The following PMFBP1 variants were observed in gnomAD, a reference collection of about 807,000 sequenced individuals.
PMFBP1 encodes the protein polyamine-modulated factor 1-binding protein 1.
In PMFBP1, 131 loss-of-function variants were observed where a neutral mutation model predicts 137.8. That is an observed-to-expected ratio of 0.95 (90% CI 0.82 to 1.10). The LOEUF (loss-of-function observed/expected upper bound fraction) is 1.10. PMFBP1 is among the 50% of genes least tolerant of loss of function. The probability of loss-of-function intolerance (pLI) is 0.00; values close to 1 mark genes in which losing one functional copy is unlikely to be tolerated. For synonymous variants in PMFBP1, 490 were observed against 450.4 expected (o/e 1.09, Z -1.11); for missense variants, 1,199 against 1,175.4 (o/e 1.02, Z -0.29).
the PMFBP1 span, among the ~76,000 whole-genome samples, chr16:72,242,717 C>T: frequency 1.3e-5 from 2 of 152,080 alleles, no homozygotes; most frequent in Non-Finnish European, 2.9e-5. Flanking sequence ...ATAATGCTAA[C>T]CAAGAAATGC....
the PMFBP1 span, among the ~76,000 whole-genome samples, chr16:72,207,781 T>C: frequency 4.8e-4 from 73 of 151,524 alleles, no homozygotes; most frequent in South Asian, 2.3e-3. Flanking sequence ...TATAAAGAAA[T>C]TTATCATAAG....
the PMFBP1 span, among the ~76,000 whole-genome samples, chr16:72,193,161 A>T: frequency 6.6e-6 from 1 of 152,070 alleles, no homozygotes; most frequent in Non-Finnish European, 1.5e-5. Context: ...CTGTGGTGAG[A>T]GGATCACTTG....
At chr16:72,220,259 C>T in the PMFBP1 span, among the ~76,000 whole-genome samples, 2 of 152,134 alleles carry the variant, frequency 1.3e-5, no homozygotes, top group Non-Finnish European at 2.9e-5. Flanking sequence ...TTTGCAATAA[C>T]AGTTTGAGAA....
chr16:72,221,046 G>A, the PMFBP1 span, among the ~76,000 whole-genome samples: 1 of 152,110 alleles, frequency 6.6e-6, no homozygotes, highest in Non-Finnish European at 1.5e-5. Flanking sequence ...GGTGGGGAAG[G>A]AGAGCAGGGG....
chr16:72,116,669 G>A (rs1016065245), downstream of PMFBP1, among the ~76,000 whole-genome samples: 1 of 147,778 alleles, frequency 6.8e-6, no homozygotes, highest in Non-Finnish European at 1.5e-5. Context: ...TTTGTATAAG[G>A]TATTAGGTAA....
chr16:72,237,774 T>C, the PMFBP1 span, among the ~76,000 whole-genome samples: 1 of 152,170 alleles, frequency 6.6e-6, no homozygotes. Flanking sequence ...CTTAGTTATT[T>C]TTCCTGATCC....
At chr16:72,186,740 CTTTAA>C in the PMFBP1 span, among the ~76,000 whole-genome samples, 5 of 152,152 alleles carry the variant, frequency 3.3e-5, no homozygotes, top group African/African-American at 1.2e-4. Flanking sequence ...AAATCTATTT[CTTTAA>C]TTTGTCACTG....
At chr16:72,192,915 A>AAAG in the PMFBP1 span, among the ~76,000 whole-genome samples, 1 of 151,896 alleles carries the variant, frequency 6.6e-6, no homozygotes, top group African/African-American at 2.4e-5. Context: ...AAAAAAAAAA[A>AAAG]AAGAAGACAT....
chr16:72,118,651 A>C (rs2042332067), downstream of PMFBP1, among the ~76,000 whole-genome samples: 1 of 152,210 alleles, frequency 6.6e-6, no homozygotes, highest in Admixed American at 6.5e-5. Flanking sequence ...CCAGAATAAA[A>C]TATTAGCTGT....
chr16:72,179,792 G>C (rs55955726), upstream of PMFBP1, among the ~76,000 whole-genome samples: 19,476 of 152,210 alleles, frequency 0.13, 1,710 homozygotes, highest in South Asian at 0.19. Flanking sequence ...ACTACAGCAG[G>C]TTGTAAAGTG....
the PMFBP1 span, among the ~76,000 whole-genome samples, chr16:72,227,988 C>T: frequency 1.3e-5 from 2 of 152,182 alleles, no homozygotes; most frequent in South Asian, 4.1e-4. Context: ...TTCCCCGTAG[C>T]CCCCATGGTA....
Position 72,136,416 on chromosome 16 carries a change from T to C in PMFBP1, c.1203+32A>G, listed in dbSNP as rs756226923. On this transcript the variant is annotated intron_variant, in intron 9 of 20. Transcript: ENST00000237353. The stretch of plus-strand genomic sequence containing the variant: ...AGGACATGGCCTCACACCTGCCCCA[T>C]TGGGAACCCCAACCAGAGTTCCTCA... The C allele has an allele frequency of 1.3e-5, 21 of 1,605,052 alleles. No individual in the cohort carries two copies. In the East Asian group the frequency reaches 2.2e-4, roughly 17 times the overall value.
the PMFBP1 span, among the ~76,000 whole-genome samples, chr16:72,200,245 T>C: frequency 6.6e-6 from 1 of 152,244 alleles, no homozygotes; most frequent in Non-Finnish European, 1.5e-5. Context: ...AAGCTCCCTC[T>C]GGCTAGGATG....
chr16:72,137,327 T>A (rs1309626582), intron 7 of PMFBP1, among the ~76,000 whole-genome samples: 1 of 152,064 alleles, frequency 6.6e-6, no homozygotes, highest in African/African-American at 2.4e-5. Flanking sequence ...CAAATCCTTG[T>A]CCCCACAGAG....
chr16:72,190,698 A>G, the PMFBP1 span, among the ~76,000 whole-genome samples: 1 of 152,140 alleles, frequency 6.6e-6, no homozygotes, highest in Non-Finnish European at 1.5e-5. Flanking sequence ...TTGGGGAGGC[A>G]GACCAGATGA....
the PMFBP1 span, among the ~76,000 whole-genome samples, chr16:72,243,107 CA>C: frequency 6.6e-6 from 1 of 152,338 alleles, no homozygotes; most frequent in South Asian, 2.1e-4. Flanking sequence ...AGCATTTTAT[CA>C]GTCATGGAAA....
At chr16:72,241,974 G>A in the PMFBP1 span, among the ~76,000 whole-genome samples, 2 of 152,008 alleles carry the variant, frequency 1.3e-5, no homozygotes, top group Admixed American at 6.5e-5. Context: ...TGCCTTGATC[G>A]ACTTGGACCC....
In PMFBP1 at chr16:72,122,918, T is replaced by G; in HGVS notation, c.2764A>C (p.Lys922Gln). The G allele has an allele frequency of 6.2e-7, 1 of 1,613,048 alleles. No homozygotes were observed. The highest frequency in any genetic ancestry group is 8.5e-7 in the Non-Finnish European group (1 of 1,179,754). ...VKYIAKLSGE[K>Q]DHLHSVMVHL... ...GGGTGGTTTAAGATGACTTACTCCT[T>G]TTCGCCACTCAGCTTGGCAATGTAT... is the stretch of plus-strand genomic sequence containing the variant. Residue 922 changes from lysine to glutamine, a missense_variant, in exon 19 of 21, where the codon AAG (lysine) becomes CAG (glutamine). Lys to Gln is a moderately conservative substitution (Grantham distance 53, BLOSUM62 1). Coordinates refer to ENST00000237353, the MANE Select transcript of PMFBP1 (RefSeq NM_031293.3).
At position 72,123,129 on chromosome 16, in the gene PMFBP1, A is replaced by G. The variant is rs911358206; in HGVS notation, c.2694-141T>C. 3 of 705,792 alleles carry G rather than the reference A, an allele frequency of 4.3e-6. No individual in the cohort carries two copies. In the African/African-American group the frequency reaches 5.3e-5, roughly 13 times the overall value. 43.7% of individuals were successfully genotyped at this position (705,792 alleles called of 1,614,324 possible). A position where few individuals can be genotyped will look rare whatever the true frequency, so the allele number is the denominator to read the frequency against. ...CCCCCACGCATCACCCCGTCCGCAG[A>G]GCTAAGGCCTTCCTAGCACCTGGGG... On this transcript the variant is annotated intron_variant, in intron 18 of 20. Transcript: ENST00000237353.
Sources: gnomAD v4.1 joint callset for allele counts (sites outside exome capture counted in the v4.1 genomes callset) on GRCh38, gnomAD v4.1.1 for gene constraint, MANE v1.5 for transcripts, NCBI Gene and HGNC (gene_info 2026-07-23, HGNC 2026-07-21) for gene names.